The following PTPRM variants were observed in gnomAD, a reference collection of about 807,000 sequenced individuals.
PTPRM encodes receptor-type tyrosine-protein phosphatase mu.
In PTPRM, 47 loss-of-function variants were observed where a neutral mutation model predicts 186.7. That is an observed-to-expected ratio of 0.25 (90% CI 0.20 to 0.32). The LOEUF (loss-of-function observed/expected upper bound fraction) is 0.32. Ranked by LOEUF, PTPRM falls within the 10% of genes least tolerant of loss-of-function variation. The probability of loss-of-function intolerance (pLI) is 1.00; values close to 1 mark genes in which losing one functional copy is unlikely to be tolerated. For missense variants in PTPRM, 1,494 were observed against 1,865.0 expected, an observed-to-expected ratio of 0.80 and a Z score of 3.66; for synonymous variants, 668 against 674.9, an observed-to-expected ratio of 0.99 and a Z score of 0.16.
intron 2 of PTPRM, among the ~76,000 whole-genome samples, chr18:7,824,739 C>T (rs976110134): frequency 6.6e-6 from 1 of 152,132 alleles, no homozygotes; most frequent in Non-Finnish European, 1.5e-5. Flanking sequence ...ACATGGTTTT[C>T]TTCTGGGATG....
intron 13 of PTPRM, among the ~76,000 whole-genome samples, chr18:8,126,849 A>G (rs1429018410): frequency 1.3e-5 from 2 of 152,074 alleles, no homozygotes; most frequent in Non-Finnish European, 2.9e-5. Context: ...GTGATGAAGC[A>G]TGGTCAGATA....
chr18:8,083,961 C>G (rs2090291904), intron 9 of PTPRM, among the ~76,000 whole-genome samples: 1 of 152,022 alleles, frequency 6.6e-6, no homozygotes, highest in Non-Finnish European at 1.5e-5. Context: ...TGGGCTTTCT[C>G]TCGTATGCAT....
Position 8,063,205 on chromosome 18 carries a change from G to A in PTPRM, c.1133-6481G>A, listed in dbSNP as rs375953204. On this transcript the variant is annotated intron_variant, in intron 7 of 32. Coordinates refer to ENST00000580170, the MANE Select transcript of PTPRM (RefSeq NM_001105244.2). ...GTCTGAAAAGCGCAGTATTCGGGTG[G>A]GAGTGACCCGATTTTCCAGGTGCGC... is the stretch of plus-strand genomic sequence containing the variant. Among the ~76,000 whole-genome samples the A allele has an allele frequency of 1.8e-4, 27 of 151,294 alleles. 1 individual carries two copies. The highest frequency in any genetic ancestry group is 1.4e-3 in the East Asian group (7 of 5,084).
intron 4 of PTPRM, among the ~76,000 whole-genome samples, chr18:7,920,896 A>G (rs907245796): frequency 3.3e-5 from 5 of 152,184 alleles, no homozygotes; most frequent in African/African-American, 9.6e-5. Context: ...GCAATTTAAA[A>G]AAAATTTCCA....
chr18:7,907,260 T>C (rs1197313363), intron 4 of PTPRM, among the ~76,000 whole-genome samples: 2 of 152,160 alleles, frequency 1.3e-5, no homozygotes, highest in East Asian at 3.8e-4. Context: ...ACCACAGTGG[T>C]GAGCTGGTTG....
intron 7 of PTPRM, among the ~76,000 whole-genome samples, chr18:7,993,296 T>C (rs1480255033): frequency 6.6e-6 from 1 of 151,998 alleles, no homozygotes; most frequent in African/African-American, 2.4e-5. Context: ...GAAAAAAGCA[T>C]TGAAAAACCT....
At chr18:7,620,997 C>T (rs1434769855) in intron 1 of PTPRM, among the ~76,000 whole-genome samples, 1 of 152,046 alleles carries the variant, frequency 6.6e-6, no homozygotes, top group Admixed American at 6.6e-5. Context: ...CAGTCGGCAA[C>T]CTAGTGAGAC....
intron 1 of PTPRM, among the ~76,000 whole-genome samples, chr18:7,588,797 G>A (rs748314935): frequency 6.6e-6 from 1 of 152,216 alleles, no homozygotes; most frequent in Non-Finnish European, 1.5e-5. Flanking sequence ...GAAGGAAGAT[G>A]TGTGGTTGTT....
At chr18:7,827,064 T>A (rs1187094596) in intron 2 of PTPRM, among the ~76,000 whole-genome samples, 1 of 152,204 alleles carries the variant, frequency 6.6e-6, no homozygotes, top group African/African-American at 2.4e-5. Context: ...ATCATGCCAT[T>A]GTACCCCAGC....
intron 2 of PTPRM, among the ~76,000 whole-genome samples, chr18:7,838,389 G>T (rs2046159488): frequency 6.6e-6 from 1 of 152,176 alleles, no homozygotes; most frequent in African/African-American, 2.4e-5. Context: ...GATGAGATTT[G>T]GGTGAGGACA....
At chr18:7,950,431 G>C (rs1383352337) in intron 6 of PTPRM, among the ~76,000 whole-genome samples, 1 of 152,114 alleles carries the variant, frequency 6.6e-6, no homozygotes, top group South Asian at 2.1e-4. Context: ...TGTTTCTTAT[G>C]TGGTATAAAA....
chr18:7,619,442 A>G (rs1178891615), intron 1 of PTPRM, among the ~76,000 whole-genome samples: 3 of 152,262 alleles, frequency 2.0e-5, no homozygotes, highest in South Asian at 2.1e-4. Flanking sequence ...AATAAAGAAT[A>G]TTTTCAGTAC....
rs375145062 is a variant in PTPRM at position 7,858,598 on chromosome 18, GT to G, written c.197-29504del. Among the ~76,000 whole-genome samples, 612 of 152,218 alleles carry G rather than the reference GT, an allele frequency of 4.0e-3. 6 individuals carry two copies. Among genetic ancestry groups the G allele is most frequent in the South Asian group, 0.024 (115 of 4,828 alleles). ...AAGTAAGTTCAGAGGGAAACTTCTA[GT>G]TTTATTGTTGTGATGAGAATTACCA... On this transcript the variant is annotated intron_variant, in intron 2 of 32. Coordinates refer to ENST00000580170, the MANE Select transcript of PTPRM (RefSeq NM_001105244.2).
intron 14 of PTPRM, among the ~76,000 whole-genome samples, chr18:8,200,267 G>T (rs947487130): frequency 6.7e-6 from 1 of 150,256 alleles, no homozygotes; most frequent in Non-Finnish European, 1.5e-5. Flanking sequence ...TGATCCCATC[G>T]CTGTGCCCCC....
intron 14 of PTPRM, among the ~76,000 whole-genome samples, chr18:8,215,722 A>AT (rs1251969413): frequency 6.7e-6 from 1 of 149,912 alleles, no homozygotes; most frequent in African/African-American, 2.5e-5. Flanking sequence ...TTTTTCGTTC[A>AT]TTTTTTGTAG....
chr18:8,035,461 C>T (rs1266784326), intron 7 of PTPRM, among the ~76,000 whole-genome samples: 2 of 152,194 alleles, frequency 1.3e-5, no homozygotes, highest in Non-Finnish European at 2.9e-5. Flanking sequence ...GCCATGTGCA[C>T]ACCCTCCCAT....
chr18:7,822,225 A>G (rs778675529), intron 2 of PTPRM, among the ~76,000 whole-genome samples: 3 of 152,240 alleles, frequency 2.0e-5, no homozygotes, highest in Non-Finnish European at 4.4e-5. Context: ...GTATATCCAG[A>G]GCTATTGAAG....
chr18:8,111,130 T>C (rs2145678204), intron 11 of PTPRM, among the ~76,000 whole-genome samples: 1 of 152,328 alleles, frequency 6.6e-6, no homozygotes, highest in Non-Finnish European at 1.5e-5. Flanking sequence ...AAACTCTGTG[T>C]GTGTTGGGCA....
chr18:8,328,244 A>G (rs2095390305), intron 22 of PTPRM, among the ~76,000 whole-genome samples: 1 of 152,232 alleles, frequency 6.6e-6, no homozygotes. Flanking sequence ...TTTCCTGGGC[A>G]AGCCATTCCG....
Sources: allele counts gnomAD v4.1 joint callset (sites outside exome capture counted in the v4.1 genomes callset), GRCh38; gene constraint gnomAD v4.1.1; transcripts MANE v1.5; gene names NCBI Gene and HGNC (gene_info 2026-07-23, HGNC 2026-07-21).